The following NPC1 variants were observed in gnomAD, a reference collection of about 807,000 sequenced individuals.
NPC1 encodes the protein NPC intracellular cholesterol transporter 1, also known as Niemann-Pick C1 protein.
In NPC1, 85 loss-of-function variants were observed where a neutral mutation model predicts 140.4. The observed-to-expected ratio is 0.61, with a 90% CI of 0.51 to 0.72. The LOEUF (loss-of-function observed/expected upper bound fraction) is 0.72. NPC1 is among the 30% of genes least tolerant of loss of function. The pLI, the probability that NPC1 is intolerant of heterozygous loss-of-function variation, is 0.00. For missense variants in NPC1, 1,504 were observed against 1,623.8 expected, an observed-to-expected ratio of 0.93 and a Z score of 1.27; for synonymous variants, 656 against 624.8, an observed-to-expected ratio of 1.05 and a Z score of -0.74.
chr18:23,583,106 CAAAAAA>C (rs3083464), intron 1 of NPC1, among the ~76,000 whole-genome samples: 20 of 109,974 alleles, frequency 1.8e-4, no homozygotes, highest in African/African-American at 6.2e-4. Flanking sequence ...GACCCTGTTT[CAAAAAA>C]AAAAAAAAAA....
At chr18:23,575,285 A>G (rs1299604490) in intron 1 of NPC1, among the ~76,000 whole-genome samples, 3 of 152,328 alleles carry the variant, frequency 2.0e-5, no homozygotes, top group African/African-American at 7.2e-5. Context: ...TCCTTTTCAC[A>G]AAGATCATTC....
intron 18 of NPC1, 101 bp downstream of exon 18, chr18:23,539,710 C>T (rs138481101): frequency 2.9e-5 from 40 of 1,368,194 alleles, no homozygotes; most frequent in Non-Finnish European, 3.9e-5. Context: ...ACAACTTTTC[C>T]AAGAAAGTCT....
intron 3 of NPC1, among the ~76,000 whole-genome samples, chr18:23,510,151 C>T (rs1259710541): frequency 2.6e-5 from 4 of 151,176 alleles, no homozygotes; most frequent in African/African-American, 9.7e-5. Flanking sequence ...GATGAAATCC[C>T]ATCTCTATAA....
intron 1 of NPC1, among the ~76,000 whole-genome samples, chr18:23,581,292 C>T (rs543084982): frequency 1.4e-3 from 206 of 152,334 alleles, no homozygotes; most frequent in African/African-American, 4.5e-3. Context: ...AAGAGCCACA[C>T]TGGGGACGGA....
rs35922440 is a variant in NPC1 at position 23,575,769 on chromosome 18, CAAA to C, written c.58-2198_58-2196del. 2.0e-4 allele frequency among the ~76,000 whole-genome samples: 7 copies of C among 35,108 alleles called. No homozygotes were observed. The East Asian group carries it at 4.5e-3, about 23-fold the overall frequency. The allele number at this position is 35,108 out of a possible 152,430, so 23.0% of individuals were successfully genotyped here. On this transcript the variant is annotated intron_variant, in intron 1 of 24. Coordinates refer to ENST00000269228, the MANE Select transcript of NPC1 (RefSeq NM_000271.5). Reference sequence around the variant, plus strand: ...CTTCTAGAGACACAGCAGAGAAGACCAAAAAAAAAAAAAAAAAAAAAAAAAAAG... The same window carrying C: ...CTTCTAGAGACACAGCAGAGAAGACCAAAAAAAAAAAAAAAAAAAAAAAAG...
intron 6 of NPC1, among the ~76,000 whole-genome samples, chr18:23,558,639 T>C (rs1406989095): frequency 2.0e-5 from 3 of 152,126 alleles, no homozygotes; most frequent in Non-Finnish European, 4.4e-5. Context: ...GCTGGTGAAA[T>C]CTGATTAAGA....
chr18:23,542,542 A>G (rs1041325876), intron 14 of NPC1, among the ~76,000 whole-genome samples: 1 of 152,188 alleles, frequency 6.6e-6, no homozygotes, highest in Non-Finnish European at 1.5e-5. Flanking sequence ...CACTTCAGAC[A>G]TGGGGCAGAC....
At chr18:23,586,127 C>T (rs2059415764) in intron 1 of NPC1, among the ~76,000 whole-genome samples, 160 bp downstream of exon 1, 1 of 152,188 alleles carries the variant, frequency 6.6e-6, no homozygotes, top group South Asian at 2.1e-4. Flanking sequence ...AGAGCGTGGC[C>T]GGAGACAGAA....
chr18:23,520,129 G>A (rs975747306), downstream of NPC1: 5 of 1,123,042 alleles, frequency 4.5e-6, no homozygotes, highest in Non-Finnish European at 5.4e-6. Flanking sequence ...TAAACAGCAA[G>A]ATGGGATGGA....
At chr18:23,519,120 G>A (rs151253134), downstream of NPC1, 105 of 1,614,216 alleles carry the variant, frequency 6.5e-5, 2 homozygotes, top group Middle Eastern at 1.8e-3. Flanking sequence ...GGACGGGAAA[G>A]TTTGCCCTGA....
rs779824970 is a variant in NPC1, at chr18:23,539,335, T to C, written c.2911+20A>G. The C allele has an allele frequency of 3.2e-6, 5 of 1,557,552 alleles. No individual in the cohort carries two copies. Among genetic ancestry groups the C allele is most frequent in the Non-Finnish European group, 4.4e-6 (5 of 1,129,026 alleles). On this transcript the variant is annotated intron_variant, in intron 19 of 24. Coordinates refer to ENST00000269228, the MANE Select transcript of NPC1 (RefSeq NM_000271.5). ...AAATTTTTCAGCAAAACAGGAAAGA[T>C]TTGGTAAAGGAGAAGGTACCTGAAG...
chr18:23,574,963 T>C (rs567601393), intron 1 of NPC1, among the ~76,000 whole-genome samples: 3 of 152,354 alleles, frequency 2.0e-5, no homozygotes, highest in African/African-American at 7.2e-5. Context: ...AAAGTCATTA[T>C]CCATCTAACT....
chr18:23,523,926 T>A (rs908560376), intron 1 of NPC1, among the ~76,000 whole-genome samples: 4 of 152,140 alleles, frequency 2.6e-5, no homozygotes, highest in African/African-American at 9.7e-5. Context: ...TTTTTCTTGG[T>A]GAGATTTTCC....
At chr18:23,507,163 G>T in intron 3 of NPC1, 1 of 737,200 alleles carries the variant, frequency 1.4e-6, no homozygotes, top group Non-Finnish European at 2.2e-6. Context: ...TCTTACTGTT[G>T]TGAAAGGTAT....
chr18:23,574,326 CAG>C (rs1181197606), intron 1 of NPC1, among the ~76,000 whole-genome samples: 5 of 152,078 alleles, frequency 3.3e-5, no homozygotes, highest in African/African-American at 4.8e-5. Context: ...ACAATGGACT[CAG>C]AAAGCCACAG....
At chr18:23,583,331 CAG>C (rs2059379131) in intron 1 of NPC1, among the ~76,000 whole-genome samples, 1 of 152,098 alleles carries the variant, frequency 6.6e-6, no homozygotes, top group Non-Finnish European at 1.5e-5. Context: ...CTCTTGGGAA[CAG>C]AGAAGAGTCA....
chr18:23,550,478 TC>T (rs2058853219), intron 10 of NPC1, among the ~76,000 whole-genome samples: 1 of 108,118 alleles, frequency 9.2e-6, no homozygotes, highest in Non-Finnish European at 1.8e-5. Flanking sequence ...TTCTTACATT[TC>T]TTTTTTTTTT....
chr18:23,576,819 A>G (rs984191814), intron 1 of NPC1: 4 of 170,274 alleles, frequency 2.3e-5, no homozygotes, highest in Non-Finnish European at 3.7e-5. Flanking sequence ...GTGAAGCTGC[A>G]GATCTTCGCG....
chr18:23,538,447 T>C, intron 20 of NPC1, 95 bp downstream of exon 20: 1 of 1,466,692 alleles, frequency 6.8e-7, no homozygotes, highest in African/African-American at 1.4e-5. Context: ...AGAAGAGACG[T>C]TCCCATGCAA....
Sources: gnomAD v4.1 joint callset for allele counts (sites outside exome capture counted in the v4.1 genomes callset) on GRCh38, gnomAD v4.1.1 for gene constraint, MANE v1.5 for transcripts, NCBI Gene and HGNC (gene_info 2026-07-23, HGNC 2026-07-21) for gene names.